Variants in FRMD4A observed in about 807,000 individuals in gnomAD.
The protein encoded by FRMD4A is FERM domain-containing protein 4A.
Under a neutral mutation model 129.1 loss-of-function variants are expected in FRMD4A, and 29 were observed. The observed-to-expected ratio is 0.22, with a 90% CI of 0.17 to 0.31. FRMD4A has a LOEUF of 0.31. Among genes scored for constraint, FRMD4A ranks in the 10% least tolerant of loss-of-function variants. The pLI is 1.00. For synonymous variants in FRMD4A, 634 were observed against 571.6 expected (o/e 1.11, Z -1.56); for missense variants, 1,272 against 1,375.8 (o/e 0.92, Z 1.19).
chr10:13,779,929 C>T (rs1023997074), intron 6 of FRMD4A, among the ~76,000 whole-genome samples: 1 of 152,218 alleles, frequency 6.6e-6, no homozygotes, highest in African/African-American at 2.4e-5. Flanking sequence ...TGTTAATGAG[C>T]AGCCCTAAGG....
intron 2 of FRMD4A, among the ~76,000 whole-genome samples, chr10:14,288,050 G>C (rs1371770151): frequency 6.6e-6 from 1 of 151,900 alleles, no homozygotes; most frequent in African/African-American, 2.4e-5. Flanking sequence ...CTACGGTGAA[G>C]AGATGGTGAT....
chr10:13,955,984 T>C (rs2095407827), intron 2 of FRMD4A, among the ~76,000 whole-genome samples: 1 of 152,222 alleles, frequency 6.6e-6, no homozygotes, highest in Admixed American at 6.5e-5. Context: ...TTTACACCCT[T>C]TCAAATTCAT....
intron 1 of FRMD4A, 49 bp from the exon 2 acceptor site, chr10:14,330,232 G>A (rs1843462660): frequency 1.2e-6 from 1 of 855,888 alleles, no homozygotes; most frequent in African/African-American, 1.7e-5. Context: ...AAAGGCTCAA[G>A]GGGAAGATAG....
chr10:13,769,452 G>A (rs1198475165), intron 6 of FRMD4A, among the ~76,000 whole-genome samples: 5 of 152,058 alleles, frequency 3.3e-5, no homozygotes, highest in Admixed American at 3.3e-4. Flanking sequence ...GGGATTACAG[G>A]TGCCCATCAC....
intron 2 of FRMD4A, among the ~76,000 whole-genome samples, chr10:14,157,700 A>G (rs140642212): frequency 6.6e-6 from 1 of 152,312 alleles, no homozygotes; most frequent in African/African-American, 2.4e-5. Flanking sequence ...TTAGTCTTCT[A>G]TTTGTACAGC....
chr10:13,870,567 G>A (rs954218956), intron 2 of FRMD4A, among the ~76,000 whole-genome samples: 9 of 152,228 alleles, frequency 5.9e-5, no homozygotes, highest in Admixed American at 4.6e-4. Context: ...CCAAGGAGCC[G>A]TGGTCCTGTT....
chr10:13,789,647 T>C (rs1044231958), intron 5 of FRMD4A, among the ~76,000 whole-genome samples: 6 of 151,524 alleles, frequency 4.0e-5, no homozygotes, highest in Admixed American at 1.3e-4. Context: ...CTTGACCTAT[T>C]TCTAAAGCTT....
At chr10:13,657,670 G>A in intron 21 of FRMD4A, 148 bp from the exon 22 acceptor site, 1 of 1,172,020 alleles carries the variant, frequency 8.5e-7, no homozygotes, top group East Asian at 2.7e-5. Context: ...CACTCAGCAG[G>A]GCTGCCCCAG....
chr10:13,768,289 G>A (rs1270057125), intron 6 of FRMD4A, among the ~76,000 whole-genome samples: 6 of 152,286 alleles, frequency 3.9e-5, no homozygotes, highest in East Asian at 3.9e-4. Context: ...AAGTGGGCCC[G>A]TGGGAACCCC....
chr10:13,867,766 T>C (rs1329858356), intron 2 of FRMD4A, among the ~76,000 whole-genome samples: 4 of 124,952 alleles, frequency 3.2e-5, no homozygotes, highest in African/African-American at 1.3e-4. Flanking sequence ...ATATATAATA[T>C]AATATGATAT....
At chr10:14,293,394 T>C (rs1414947906) in intron 2 of FRMD4A, among the ~76,000 whole-genome samples, 1 of 152,144 alleles carries the variant, frequency 6.6e-6, no homozygotes, top group African/African-American at 2.4e-5. Context: ...CCAAATAAAT[T>C]CGTATTGCTT....
intron 14 of FRMD4A, among the ~76,000 whole-genome samples, chr10:13,700,899 G>A (rs1277742267): frequency 4.7e-5 from 6 of 126,728 alleles, no homozygotes; most frequent in South Asian, 2.7e-4. Context: ...AGTTGGAACC[G>A]CCTGAGGGTT....
intron 18 of FRMD4A, among the ~76,000 whole-genome samples, chr10:13,665,162 T>G (rs4339936): frequency 0.77 from 117,431 of 151,996 alleles, 46,105 homozygotes; most frequent in East Asian, 0.87. Context: ...GTGAGCCACC[T>G]CACCCAGCCC....
chr10:14,272,006 G>T (rs908883600), intron 2 of FRMD4A, among the ~76,000 whole-genome samples: 12 of 151,410 alleles, frequency 7.9e-5, no homozygotes, highest in African/African-American at 2.9e-4. Flanking sequence ...TAATTTTTTG[G>T]TTCTTTTGCC....
intron 2 of FRMD4A, among the ~76,000 whole-genome samples, chr10:14,059,441 A>G (rs907300090): frequency 6.6e-6 from 1 of 150,528 alleles, no homozygotes; most frequent in Non-Finnish European, 1.5e-5. Context: ...TGTGCTTACA[A>G]GAAGAGATGT....
intron 2 of FRMD4A, among the ~76,000 whole-genome samples, chr10:14,257,618 G>T (rs748826975): frequency 2.0e-5 from 3 of 152,292 alleles, no homozygotes; most frequent in Non-Finnish European, 2.9e-5. Flanking sequence ...ATTGGATTTA[G>T]TGTGGGCCCT....
intron 2 of FRMD4A, among the ~76,000 whole-genome samples, chr10:13,878,714 C>T (rs1370208044): frequency 6.6e-6 from 1 of 151,560 alleles, no homozygotes; most frequent in African/African-American, 2.4e-5. Context: ...GATCACGCTA[C>T]TGCACTCCAG....
intron 6 of FRMD4A, among the ~76,000 whole-genome samples, chr10:13,775,617 A>G (rs1439743214): frequency 1.3e-5 from 2 of 152,226 alleles, no homozygotes; most frequent in Non-Finnish European, 2.9e-5. Flanking sequence ...GATCCGGGAA[A>G]GAGAGGACCC....
chr10:14,145,912 AATG>A (rs1441445420), intron 2 of FRMD4A, among the ~76,000 whole-genome samples: 1 of 152,200 alleles, frequency 6.6e-6, no homozygotes, highest in Non-Finnish European at 1.5e-5. Context: ...TTTGTTCTGA[AATG>A]ATGATAATTA....
Sources: allele counts gnomAD v4.1 joint callset (sites outside exome capture counted in the v4.1 genomes callset), GRCh38; gene constraint gnomAD v4.1.1; transcripts MANE v1.5; gene names NCBI Gene and HGNC (gene_info 2026-07-23, HGNC 2026-07-21).